RANBP17: variants seen among roughly 807,000 people sequenced by gnomAD.
The protein encoded by RANBP17 is ran-binding protein 17.
In RANBP17, 158 loss-of-function variants were observed where a neutral mutation model predicts 141.2. The ratio of observed to expected loss-of-function variants is 1.12; its 90% confidence interval spans 0.98 to 1.28. RANBP17 has a LOEUF of 1.28. Ranked by LOEUF, RANBP17 falls within the 50% of genes most tolerant of loss-of-function variation. RANBP17 has a pLI of 0.00. For synonymous variants in RANBP17, 430 were observed against 450.0 expected (o/e 0.96, Z 0.56); for missense variants, 1,438 against 1,290.7 (o/e 1.11, Z -1.75).
At chr5:171,058,528 A>T (rs1479479512) in intron 14 of RANBP17, among the ~76,000 whole-genome samples, 1 of 151,862 alleles carries the variant, frequency 6.6e-6, no homozygotes, top group Non-Finnish European at 1.5e-5. Flanking sequence ...TCCACAGTGT[A>T]TATGTGCCAC....
chr5:171,029,040 A>G, intron 14 of RANBP17: 2 of 773,568 alleles, frequency 2.6e-6, no homozygotes, highest in Non-Finnish European at 1.7e-6. Context: ...TGGTCAGGTA[A>G]GTCATACTCA....
At chr5:171,082,884 A>G (rs1423162037) in intron 14 of RANBP17, among the ~76,000 whole-genome samples, 1 of 92,184 alleles carries the variant, frequency 1.1e-5, no homozygotes. Flanking sequence ...AACCTCTTTA[A>G]AGAAAAAAAA....
chr5:171,076,980 A>G (rs1485812868), intron 14 of RANBP17, among the ~76,000 whole-genome samples: 1 of 152,148 alleles, frequency 6.6e-6, no homozygotes, highest in Non-Finnish European at 1.5e-5. Flanking sequence ...CCATTTTTGT[A>G]ATCTTTAATG....
At chr5:171,130,071 A>G (rs942351378) in intron 14 of RANBP17, among the ~76,000 whole-genome samples, 2 of 152,250 alleles carry the variant, frequency 1.3e-5, no homozygotes, top group Non-Finnish European at 1.5e-5. Flanking sequence ...TGTTAAGGGA[A>G]GGACTTAAAT....
intron 27 of RANBP17, among the ~76,000 whole-genome samples, chr5:171,297,945 T>A (rs1185081720): frequency 1.6e-5 from 2 of 127,324 alleles, no homozygotes; most frequent in Non-Finnish European, 3.2e-5. Flanking sequence ...AACCTCCACC[T>A]CCCAGATTCA....
chr5:170,935,502 T>C (rs189186989), intron 12 of RANBP17, among the ~76,000 whole-genome samples: 239 of 152,332 alleles, frequency 1.6e-3, no homozygotes, highest in African/African-American at 4.9e-3. Context: ...GTGGATGTCC[T>C]TTCTGTTTGT....
intron 25 of RANBP17, among the ~76,000 whole-genome samples, chr5:171,274,178 A>T (rs1767353465): frequency 6.7e-6 from 1 of 149,470 alleles, no homozygotes; most frequent in Admixed American, 6.7e-5. Flanking sequence ...GCAAAATCTA[A>T]CTACTGAGGA....
chr5:170,962,261 G>T lies in RANBP17; in HGVS notation c.1575-5981G>T, dbSNP rs182083381. On this transcript the variant is annotated intron_variant, in intron 13 of 27. Transcript: ENST00000523189. ...CTAAAACTTCTTTGACAAATGGATTGTGTACCCTGCTGGGAACTCATTCCT... is the reference window on the plus strand; with the variant it reads ...CTAAAACTTCTTTGACAAATGGATTTTGTACCCTGCTGGGAACTCATTCCT... Among the ~76,000 whole-genome samples, 3 of 152,306 alleles carry T rather than the reference G, an allele frequency of 2.0e-5. No homozygotes were observed. The East Asian group carries it at 5.8e-4, about 29-fold the overall frequency.
chr5:171,013,293 A>G (rs1174473176), intron 14 of RANBP17, among the ~76,000 whole-genome samples: 2 of 152,122 alleles, frequency 1.3e-5, no homozygotes, highest in East Asian at 3.8e-4. Flanking sequence ...AGAGCTCTCA[A>G]CTATTGGACT....
At chr5:170,896,790 A>G (rs1300113278) in intron 5 of RANBP17, 1 of 389,794 alleles carries the variant, frequency 2.6e-6, no homozygotes, top group Non-Finnish European at 4.8e-6. Context: ...AGATCGTGCC[A>G]CTGCACTCCA....
intron 14 of RANBP17, among the ~76,000 whole-genome samples, chr5:171,165,623 G>C (rs574421472): frequency 1.3e-4 from 20 of 152,250 alleles, no homozygotes; most frequent in African/African-American, 4.6e-4. Flanking sequence ...TACTTGCTAA[G>C]TTTATCACGA....
chr5:170,897,268 G>A, intron 5 of RANBP17: 2 of 638,882 alleles, frequency 3.1e-6, no homozygotes, highest in East Asian at 7.9e-5. Flanking sequence ...AGTTGGCAGA[G>A]CACTGTGATT....
chr5:171,105,634 C>A (rs184162608), intron 14 of RANBP17, among the ~76,000 whole-genome samples: 1 of 152,072 alleles, frequency 6.6e-6, no homozygotes, highest in African/African-American at 2.4e-5. Flanking sequence ...AAGAGAATCA[C>A]TTGAGCCCAG....
At chr5:171,250,866 C>T (rs763440741) in intron 24 of RANBP17, among the ~76,000 whole-genome samples, 2 of 152,154 alleles carry the variant, frequency 1.3e-5, no homozygotes, top group Non-Finnish European at 2.9e-5. Flanking sequence ...AAGAGACACA[C>T]TACAATATAA....
At chr5:171,135,481 T>C (rs1379480574) in intron 14 of RANBP17, among the ~76,000 whole-genome samples, 1 of 151,732 alleles carries the variant, frequency 6.6e-6, no homozygotes, top group Non-Finnish European at 1.5e-5. Context: ...TATGGGAATA[T>C]TTTCAGTATG....
chr5:170,907,993 G>T (rs536234667), intron 5 of RANBP17, among the ~76,000 whole-genome samples: 1 of 152,016 alleles, frequency 6.6e-6, no homozygotes, highest in South Asian at 2.1e-4. Context: ...ACACCAGTCA[G>T]AATGGCCATT....
intron 14 of RANBP17, among the ~76,000 whole-genome samples, chr5:171,089,244 G>C (rs555809145): frequency 9.4e-6 from 1 of 106,622 alleles, no homozygotes; most frequent in Admixed American, 9.5e-5. Flanking sequence ...TGCCCCTGCT[G>C]GGGGGGGCCT....
intron 25 of RANBP17, among the ~76,000 whole-genome samples, chr5:171,291,394 A>G (rs1292652608): frequency 6.6e-6 from 1 of 152,192 alleles, no homozygotes; most frequent in Non-Finnish European, 1.5e-5. Context: ...GGCAGATTTG[A>G]AACAGCCATT....
chr5:170,953,511 A>G (rs1364409168), intron 12 of RANBP17, 86 bp from the exon 13 acceptor site: 2 of 781,462 alleles, frequency 2.6e-6, no homozygotes, highest in African/African-American at 1.7e-5. Flanking sequence ...AGAACAGATC[A>G]TTGTGCTGAT....
Sources: allele counts gnomAD v4.1 joint callset (sites outside exome capture counted in the v4.1 genomes callset), GRCh38; gene constraint gnomAD v4.1.1; transcripts MANE v1.5; gene names NCBI Gene and HGNC (gene_info 2026-07-23, HGNC 2026-07-21).